Variants in MTHFSD observed in about 807,000 individuals in gnomAD.
MTHFSD encodes methenyltetrahydrofolate synthetase domain containing.
In MTHFSD, 37 loss-of-function variants were observed where a neutral mutation model predicts 31.1. The ratio of observed to expected loss-of-function variants is 1.19; its 90% CI spans 0.91 to 1.56. MTHFSD has a LOEUF of 1.56. MTHFSD is among the 40% of genes most tolerant of loss of function. MTHFSD has a pLI of 0.00. For missense variants in MTHFSD, 664 were observed against 510.1 expected (o/e 1.30, Z -2.91); for synonymous variants, 221 against 206.9 (o/e 1.07, Z -0.59).
chr16:86,554,938 C>T, intron 1 of MTHFSD, 187 bp from the exon 2 acceptor site: 1 of 1,204,480 alleles, frequency 8.3e-7, no homozygotes, highest in Non-Finnish European at 1.1e-6. Flanking sequence ...GGTGTCCCTC[C>T]CGCCTCGTCT....
In MTHFSD at chr16:86,531,129, A is replaced by AT. The variant is rs1969957332; in HGVS notation, c.*881_*882insA. 1 of 152,246 alleles carries AT rather than the reference A, an allele frequency of 6.6e-6. No individual in the cohort carries two copies. Among genetic ancestry groups the AT allele is most frequent in the Non-Finnish European group, 1.5e-5 (1 of 68,046 alleles). 9.4% of individuals were successfully genotyped at this position (152,246 alleles called of 1,614,324 possible). A position where few individuals can be genotyped will look rare whatever the true frequency, so the allele number is the denominator to read the frequency against. On this transcript the variant is annotated 3_prime_UTR_variant, in exon 8 of 8. Transcript: ENST00000360900. This position sits in a 1 kb window ranked among gnomAD's most constrained non-coding sequence, Gnocchi z 5.5. Reference sequence around the variant, plus strand: ...TCCAAAGCATATACATTTGAAAAAAACAAAATCTCCACTTAAAAGCTTATT... The same window carrying AT: ...TCCAAAGCATATACATTTGAAAAAAATCAAAATCTCCACTTAAAAGCTTATT...
chr16:86,552,543 C>G (rs1240309300), intron 2 of MTHFSD, among the ~76,000 whole-genome samples: 1 of 152,164 alleles, frequency 6.6e-6, no homozygotes, highest in Non-Finnish European at 1.5e-5. Flanking sequence ...TGATTTTTCA[C>G]AAAATGAAGG....
chr16:86,539,040 A>AG (rs1290561605), intron 7 of MTHFSD, among the ~76,000 whole-genome samples: 3 of 152,198 alleles, frequency 2.0e-5, no homozygotes, highest in Non-Finnish European at 4.4e-5. Context: ...TCTTCCTGCC[A>AG]GAAAGTTTCT....
rs200604961 is a variant in MTHFSD at position 86,548,553 on chromosome 16, T to C, written c.262A>G (p.Thr88Ala). 1.7e-5 allele frequency: 28 copies of C among 1,611,696 alleles called. 1 individual carries two copies. The African/African-American group carries it at 2.5e-4, about 15-fold the overall frequency. ...AACAATCCCGTTCTCAGTCGTGGTGTTGGAACCAACAATGTTTTTTTGCTC... is the reference window on the plus strand; with the variant it reads ...AACAATCCCGTTCTCAGTCGTGGTGCTGGAACCAACAATGTTTTTTTGCTC... ...LQSKKTLLVP[T>A]PRLRTGLFNK... is the part of the protein sequence containing the mutation. The change falls in exon 4 of 8, where the codon ACA becomes GCA. Residue 88 changes from threonine to alanine, a missense_variant. Coordinates refer to ENST00000360900, the MANE Select transcript of MTHFSD (RefSeq NM_001159377.2).
chr16:86,554,862 A>G, intron 1 of MTHFSD, 111 bp from the exon 2 acceptor site: 2 of 1,089,266 alleles, frequency 1.8e-6, no homozygotes, highest in South Asian at 3.1e-5. Context: ...CCGGCTTCCG[A>G]TCCTGTTCCT....
rs770424476 is a variant in MTHFSD at position 86,546,589 on chromosome 16, C to G, written c.412G>C (p.Val138Leu). The G allele has an allele frequency of 1.2e-6, 2 of 1,613,914 alleles. No individual in the cohort carries two copies. Among genetic ancestry groups the G allele is most frequent in the Non-Finnish European group, 1.7e-6 (2 of 1,180,034 alleles). Residue 138 changes from valine to leucine, a missense_variant, in exon 5 of 8, where the codon GTG (valine) becomes CTG (leucine). By Grantham distance (32) the Val-to-Leu change is conservative (BLOSUM62 1). Coordinates refer to ENST00000360900, the MANE Select transcript of MTHFSD (RefSeq NM_001159377.2). ...LDSRVLVDLV[V>L]VGSVAVSEKG... ...TCAGAAACGGCGACGGATCCCACCA[C>G]AACTAAATCCACGAGGACTCTGGAG...
chr16:86,541,565 C>G (rs1971517125), intron 7 of MTHFSD, 132 bp downstream of exon 7: 1 of 1,315,728 alleles, frequency 7.6e-7, no homozygotes, highest in South Asian at 1.4e-5. Flanking sequence ...CCAAATTGCT[C>G]AAAAGCTCCT....
rs376455850 is a variant in MTHFSD, at chr16:86,536,546, C to G, written c.682-4065G>C. Among the ~76,000 whole-genome samples, 18 of 152,360 alleles carry G rather than the reference C, an allele frequency of 1.2e-4. No homozygotes were observed. The East Asian group carries it at 3.1e-3, about 26-fold the overall frequency. ...TGCTGACGGACAGCAGGGGCAAGGC[C>G]TGCATCTCCCAACAGGGGGCCTGAC... On this transcript the variant is annotated intron_variant, in intron 7 of 7. Transcript: ENST00000360900.
chr16:86,543,737 C>T (rs1971863027), intron 5 of MTHFSD, among the ~76,000 whole-genome samples: 1 of 152,202 alleles, frequency 6.6e-6, no homozygotes, highest in Non-Finnish European at 1.5e-5. Flanking sequence ...GTTCCCAACT[C>T]CTGGGCCACA....
At chr16:86,536,957 C>T (rs1970785024) in intron 7 of MTHFSD, among the ~76,000 whole-genome samples, 1 of 152,214 alleles carries the variant, frequency 6.6e-6, no homozygotes, top group African/African-American at 2.4e-5. Flanking sequence ...CACGTCTGTG[C>T]GTGAGTTTTA....
Position 86,546,648 on chromosome 16 carries a change from C to T in MTHFSD, c.353G>A (p.Gly118Asp). 1 of 1,612,848 alleles carries T rather than the reference C, an allele frequency of 6.2e-7. No individual in the cohort carries two copies. Among genetic ancestry groups the T allele is most frequent in the Non-Finnish European group, 8.5e-7 (1 of 1,179,122 alleles). The change falls in exon 5 of 8, where the codon GGT becomes GAT. Residue 118 changes from glycine to aspartate, a missense_variant and splice_region_variant. Gly to Asp is a moderately conservative substitution (Grantham distance 94). Transcript: ENST00000360900. ...DILRKCATSQ[G>D]VRNYSVPIGL... The stretch of plus-strand genomic sequence containing the variant: ...TATGGGGACACTGTAGTTCCTCACA[C>T]CCTGCACACAGAGATACGGATTGGA...
rs373435721 is a variant in MTHFSD, at chr16:86,534,741, G to C, written c.682-2260C>G. Among the ~76,000 whole-genome samples, 10 of 152,106 alleles carry C rather than the reference G, an allele frequency of 6.6e-5. 1 individual carries two copies. The highest frequency in any genetic ancestry group is 3.9e-4 in the East Asian group (2 of 5,176). On this transcript the variant is annotated intron_variant, in intron 7 of 7. Transcript: ENST00000360900. ...GGCTATGCATTTATCTGGAAGAACT[G>C]AAAGTTACTTGGCTCTGAGTACAGC...
chr16:86,549,830 T>C (rs16941512), intron 3 of MTHFSD, among the ~76,000 whole-genome samples: 36,036 of 152,204 alleles, frequency 0.24, 4,788 homozygotes, highest in East Asian at 0.39. Context: ...CTCGGAGTAC[T>C]GATTGAACAG....
chr16:86,552,184 G>A, intron 2 of MTHFSD, 38 bp from the exon 3 acceptor site: 1 of 1,614,080 alleles, frequency 6.2e-7, no homozygotes, highest in Non-Finnish European at 8.5e-7. Flanking sequence ...CTTACTTCAA[G>A]GACGAAGAAG....
chr16:86,554,250 C>T (rs554247201), intron 2 of MTHFSD, among the ~76,000 whole-genome samples: 2 of 152,288 alleles, frequency 1.3e-5, no homozygotes, highest in East Asian at 1.9e-4. Flanking sequence ...CTGAAGCCAG[C>T]AAAGACCGTG....
chr16:86,541,360 C>T lies in MTHFSD; in HGVS notation c.681+337G>A, dbSNP rs552601717. ...AGATAACACCAGGCAGAGCTTGCTGCGCCTGGGATGGCAGAAAACAACTCT... is the reference window on the plus strand; with the variant it reads ...AGATAACACCAGGCAGAGCTTGCTGTGCCTGGGATGGCAGAAAACAACTCT... On this transcript the variant is annotated intron_variant, in intron 7 of 7. Transcript: ENST00000360900. 2.9e-4 allele frequency among the ~76,000 whole-genome samples: 44 copies of T among 152,040 alleles called. No homozygotes were observed. The South Asian group carries it at 6.6e-3, about 23-fold the overall frequency.
At chr16:86,547,894 G>A in intron 4 of MTHFSD, 1 of 442,734 alleles carries the variant, frequency 2.3e-6, no homozygotes, top group South Asian at 3.0e-5. Flanking sequence ...TCTTAAAAAA[G>A]TCACCAAATT....
intron 7 of MTHFSD, 142 bp from the exon 8 acceptor site, chr16:86,532,623 TCCCACTGTCCCA>T (rs1888923422): frequency 1.9e-6 from 1 of 517,888 alleles, no homozygotes; most frequent in Non-Finnish European, 3.2e-6. Flanking sequence ...GACATGGGAC[TCCCACTGTCCCA>T]CCCACTATCT....
rs1158221528 is a variant in MTHFSD at position 86,542,924 on chromosome 16, G to C, written c.443-711C>G. ...GAAGCTACAATTCCGCTTATGAGAA[G>C]CCTGAGGCACTTCAGAAACTGAGGC... is the stretch of plus-strand genomic sequence containing the variant. On this transcript the variant is annotated intron_variant, in intron 5 of 7. Coordinates refer to ENST00000360900, the MANE Select transcript of MTHFSD (RefSeq NM_001159377.2). This position sits in a 1 kb window ranked among gnomAD's most constrained non-coding sequence, Gnocchi z 4.6. Among the ~76,000 whole-genome samples, 1 of 152,040 alleles carries C rather than the reference G, an allele frequency of 6.6e-6. No homozygotes were observed. Among genetic ancestry groups the C allele is most frequent in the African/African-American group, 2.4e-5 (1 of 41,406 alleles).
Sources: allele counts gnomAD v4.1 joint callset (sites outside exome capture counted in the v4.1 genomes callset), GRCh38; gene constraint gnomAD v4.1.1; non-coding constraint Gnocchi (gnomAD v3.1); transcripts MANE v1.5; gene names NCBI Gene and HGNC (gene_info 2026-07-23, HGNC 2026-07-21).